CHST10: variants seen among roughly 807,000 people sequenced by gnomAD.
The protein encoded by CHST10 is HNK-1 sulfotransferase.
CHST10 carries 24 observed loss-of-function variants against 34.7 expected under a neutral mutation model. The observed-to-expected ratio is 0.69, with a 90% confidence interval of 0.50 to 0.97. CHST10 has a LOEUF of 0.97. Ranked by LOEUF, CHST10 falls within the 50% of genes least tolerant of loss-of-function variation. The probability of loss-of-function intolerance (pLI) is 0.00; values close to 1 mark genes in which losing one functional copy is unlikely to be tolerated. For synonymous variants in CHST10, 161 were observed against 169.3 expected, an observed-to-expected ratio of 0.95 and a Z score of 0.38; for missense variants, 402 against 452.1, an observed-to-expected ratio of 0.89 and a Z score of 1.00.
rs772492874 is a variant in CHST10 at position 100,398,050 on chromosome 2, A to G, written c.285T>C (p.Asp95=). Residue 95 remains aspartate, a synonymous_variant, in exon 5 of 7, where the codon GAT becomes GAC. Coordinates refer to ENST00000264249, the MANE Select transcript of CHST10 (RefSeq NM_004854.5). ...LELIRNVCRD[D]ALKNLSHTPV... is the part of the protein sequence containing the mutation. ...GAGTGTGCGAGAGATTCTTCAGGGC[A>G]TCATCCCTGCAGACGTTTCTGATGA... 6.2e-7 allele frequency: 1 copy of G among 1,614,206 alleles called. No homozygotes were observed. The highest frequency in any genetic ancestry group is 8.5e-7 in the Non-Finnish European group (1 of 1,180,028).
chr2:100,403,963 C>G (rs1675451894), intron 3 of CHST10, among the ~76,000 whole-genome samples: 1 of 152,212 alleles, frequency 6.6e-6, no homozygotes. Flanking sequence ...TACACCACCC[C>G]AGCCCAGGGC....
At chr2:100,396,051 C>T (rs116580808) in intron 5 of CHST10, among the ~76,000 whole-genome samples, 2,417 of 152,312 alleles carry the variant, frequency 0.016, 68 homozygotes, top group African/African-American at 0.053. Flanking sequence ...AACAGATGCC[C>T]GCAGCAGCTT....
At chr2:100,393,906 C>A in intron 6 of CHST10, 124 bp from the exon 7 acceptor site, 1 of 688,890 alleles carries the variant, frequency 1.5e-6, no homozygotes, top group Non-Finnish European at 2.4e-6. Context: ...CCGAGGCTGC[C>A]ATGAATGCAT....
chr2:100,400,529 C>A (rs1675291791), intron 4 of CHST10, among the ~76,000 whole-genome samples: 1 of 152,226 alleles, frequency 6.6e-6, no homozygotes, highest in African/African-American at 2.4e-5. Context: ...CGTAAGCCAC[C>A]ATGCCCAGCT....
In CHST10 at chr2:100,393,723, G is replaced by A. The variant is rs1674912172; in HGVS notation, c.593C>T (p.Ala198Val). Reference sequence around the variant, plus strand: ...ATTGTGAACAAATTTATCCTTAAATGCAGAAATAAGTCTTTCGAAGGGATC... The same window carrying A: ...ATTGTGAACAAATTTATCCTTAAATACAGAAATAAGTCTTTCGAAGGGATC... ...VRDPFERLIS[A>V]FKDKFVHNPR... Residue 198 changes from alanine to valine, a missense_variant, in exon 7 of 7, where the codon GCA becomes GTA. Ala to Val is a moderately conservative substitution (Grantham distance 64). Coordinates refer to ENST00000264249, the MANE Select transcript of CHST10 (RefSeq NM_004854.5). 1 of 1,613,694 alleles carries A rather than the reference G, an allele frequency of 6.2e-7. No individual in the cohort carries two copies. The highest frequency in any genetic ancestry group is 8.5e-7 in the Non-Finnish European group (1 of 1,179,940).
At chr2:100,416,931 G>A in intron 1 of CHST10, 3 of 1,297,502 alleles carry the variant, frequency 2.3e-6, no homozygotes, top group South Asian at 1.2e-5. Flanking sequence ...GAGGCTCAGG[G>A]CACCCCGGGG....
At chr2:100,405,753 A>G (rs1005930281) in intron 3 of CHST10, among the ~76,000 whole-genome samples, 1 of 152,208 alleles carries the variant, frequency 6.6e-6, no homozygotes, top group African/African-American at 2.4e-5. Context: ...GAATGGGCCA[A>G]TCCACGGCAC....
At chr2:100,396,539 G>C (rs931922582) in intron 5 of CHST10, among the ~76,000 whole-genome samples, 6 of 152,206 alleles carry the variant, frequency 3.9e-5, no homozygotes, top group Non-Finnish European at 1.5e-5. Flanking sequence ...ACACAGTCTT[G>C]TCTGTTTTAT....
chr2:100,394,226 C>T (rs1292994998), intron 6 of CHST10, among the ~76,000 whole-genome samples: 1 of 149,700 alleles, frequency 6.7e-6, no homozygotes, highest in East Asian at 1.9e-4. Context: ...ATTCAAATTG[C>T]CAGGGGAAGG....
At position 100,417,641 on chromosome 2, in the gene CHST10, C is replaced by T. The variant is rs1263508768; in HGVS notation, c.-371G>A. On this transcript the variant is annotated 5_prime_UTR_variant, in exon 1 of 7. Coordinates refer to ENST00000264249, the MANE Select transcript of CHST10 (RefSeq NM_004854.5). ...CCGGCACCGCCTCACGCGGCCCCCT[C>T]GCGCCTATCCGGCCGTGCGCGCCGC... The T allele has an allele frequency of 6.6e-6, 1 of 150,800 alleles. No individual in the cohort carries two copies. Among genetic ancestry groups the T allele is most frequent in the Non-Finnish European group, 1.5e-5 (1 of 67,566 alleles). The allele number at this position is 150,800 out of a possible 1,614,324, so 9.3% of individuals were successfully genotyped here.
At chr2:100,407,405 C>T (rs963802374) in intron 2 of CHST10, among the ~76,000 whole-genome samples, 3 of 152,166 alleles carry the variant, frequency 2.0e-5, no homozygotes, top group Non-Finnish European at 4.4e-5. Context: ...AAGTCACTGT[C>T]AGTTCTTGGC....
rs777602005 is a variant in CHST10, at chr2:100,393,223, T to G, written c.*22A>C. 1.2e-6 allele frequency: 2 copies of G among 1,610,136 alleles called. No homozygotes were observed. The highest frequency in any genetic ancestry group is 3.3e-5 in the Admixed American group (2 of 59,712). On this transcript the variant is annotated 3_prime_UTR_variant, in exon 7 of 7. Transcript: ENST00000264249. The stretch of plus-strand genomic sequence containing the variant: ...TTAGCCCCAGGTCTAATAAAGATAT[T>G]TGAATTCATAGGTCTTATGCATTAG...
intron 2 of CHST10, among the ~76,000 whole-genome samples, chr2:100,413,300 C>T (rs939039917): frequency 2.6e-5 from 4 of 152,058 alleles, no homozygotes; most frequent in Non-Finnish European, 5.9e-5. Flanking sequence ...GCCCTCCCTT[C>T]GGTCATGGCG....
At chr2:100,414,653 T>C (rs1029790457) in intron 2 of CHST10, among the ~76,000 whole-genome samples, 2 of 152,194 alleles carry the variant, frequency 1.3e-5, no homozygotes, top group African/African-American at 2.4e-5. Flanking sequence ...CGTACAGAAA[T>C]TTCCTTTGTC....
chr2:100,400,213 G>A (rs1675273701), intron 4 of CHST10, among the ~76,000 whole-genome samples: 1 of 152,186 alleles, frequency 6.6e-6, no homozygotes, highest in Admixed American at 6.5e-5. Flanking sequence ...ATTAGATATT[G>A]CTTTTCTTTT....
intron 6 of CHST10, among the ~76,000 whole-genome samples, chr2:100,394,127 T>C (rs897129041): frequency 5.3e-5 from 8 of 152,228 alleles, no homozygotes; most frequent in African/African-American, 1.9e-4. Context: ...ATTTTGTTCC[T>C]GGGCAGAAAA....
rs181956023 is a variant in CHST10, at chr2:100,410,612, C to T, written c.-32-3905G>A. Among the ~76,000 whole-genome samples, 190 of 152,304 alleles carry T rather than the reference C, an allele frequency of 1.2e-3. 1 individual carries two copies. Among genetic ancestry groups the T allele is most frequent in the African/African-American group, 4.3e-3 (178 of 41,560 alleles). On this transcript the variant is annotated intron_variant, in intron 2 of 6. Transcript: ENST00000264249. ...TCTCCAGGCTTTTTCAAGAATGAGG[C>T]CCCCTTTCAACCTCAAAATATTTCT...
chr2:100,400,725 C>G (rs184742116), intron 4 of CHST10, among the ~76,000 whole-genome samples: 151 of 152,342 alleles, frequency 9.9e-4, no homozygotes, highest in African/African-American at 3.2e-3. Flanking sequence ...GTTGCCCAAG[C>G]TGGAGTGCAA....
rs1018064012 is a variant in CHST10, at chr2:100,393,103, C to T, written c.*142G>A. 1.8e-4 allele frequency: 144 copies of T among 807,840 alleles called. No individual in the cohort carries two copies. Among genetic ancestry groups the T allele is most frequent in the South Asian group, 3.0e-4 (17 of 56,348 alleles). 50.0% of individuals were successfully genotyped at this position (807,840 alleles called of 1,614,324 possible). On this transcript the variant is annotated 3_prime_UTR_variant, in exon 7 of 7. Transcript: ENST00000264249. ...ACAGTTGGGGTTCTGCGTCATATGC[C>T]GAGGCAACTCACAGGCCTGTGGGAG...
Sources: allele counts gnomAD v4.1 joint callset (sites outside exome capture counted in the v4.1 genomes callset), GRCh38; gene constraint gnomAD v4.1.1; transcripts MANE v1.5; gene names NCBI Gene and HGNC (gene_info 2026-07-23, HGNC 2026-07-21).